Variants in NOX4 observed in about 807,000 individuals in gnomAD.
NOX4 encodes the protein kidney oxidase-1.
In NOX4, 69 loss-of-function variants were observed where a neutral mutation model predicts 87.6. That is an observed-to-expected ratio of 0.79 (90% CI 0.65 to 0.96). The LOEUF is 0.96. Ranked by LOEUF, NOX4 falls within the 40% of genes least tolerant of loss-of-function variation. The probability of loss-of-function intolerance (pLI) is 0.00; values close to 1 mark genes in which losing one functional copy is unlikely to be tolerated. For synonymous variants in NOX4, 275 were observed against 238.2 expected (o/e 1.15, Z -1.42); for missense variants, 680 against 681.5 (o/e 1.00, Z 0.02).
chr11:89,414,518 C>T (rs1275823524), intron 8 of NOX4, among the ~76,000 whole-genome samples: 1 of 151,380 alleles, frequency 6.6e-6, no homozygotes, highest in African/African-American at 2.4e-5. Flanking sequence ...AATATCTCTT[C>T]CACAGCATTT....
At chr11:89,450,296 A>G (rs1453864894) in intron 3 of NOX4, among the ~76,000 whole-genome samples, 2 of 152,194 alleles carry the variant, frequency 1.3e-5, no homozygotes, top group African/African-American at 4.8e-5. Flanking sequence ...GAAAGGGTTG[A>G]GAAGTTTTCC....
At chr11:89,466,552 C>T (rs1036639105) in intron 2 of NOX4, among the ~76,000 whole-genome samples, 3 of 152,196 alleles carry the variant, frequency 2.0e-5, no homozygotes, top group African/African-American at 7.2e-5. Flanking sequence ...TAAGTGCTAT[C>T]TGTTCCACTT....
chr11:89,570,439 C>T, the NOX4 span, among the ~76,000 whole-genome samples: 3 of 151,922 alleles, frequency 2.0e-5, no homozygotes, highest in East Asian at 1.9e-4. Flanking sequence ...TGTAAGAAAC[C>T]CCTGCAACAT....
At chr11:89,567,179 G>T in the NOX4 span, among the ~76,000 whole-genome samples, 1 of 152,100 alleles carries the variant, frequency 6.6e-6, no homozygotes, top group Non-Finnish European at 1.5e-5. Flanking sequence ...GCACCTCCCC[G>T]GCCACACCCA....
chr11:89,331,271 A>G (rs12806294), intron 17 of NOX4, among the ~76,000 whole-genome samples: 1 of 152,002 alleles, frequency 6.6e-6, no homozygotes, highest in Non-Finnish European at 1.5e-5. Context: ...AAAAATAAAA[A>G]ATATTTGAAC....
chr11:89,581,679 C>T, the NOX4 span, among the ~76,000 whole-genome samples: 33 of 152,160 alleles, frequency 2.2e-4, no homozygotes, highest in African/African-American at 7.9e-4. Context: ...AAATATATTA[C>T]TGCTTTTTTT....
intron 7 of NOX4, among the ~76,000 whole-genome samples, chr11:89,425,805 TAA>T (rs1565273423): frequency 6.6e-6 from 1 of 152,146 alleles, no homozygotes. Context: ...TTAAAAACTA[TAA>T]AGACAGTTTC....
the NOX4 span, among the ~76,000 whole-genome samples, chr11:89,521,561 T>A: frequency 4.6e-5 from 7 of 151,024 alleles, no homozygotes; most frequent in African/African-American, 1.7e-4. Flanking sequence ...AATAATGACT[T>A]CAAACTATAA....
intron 12 of NOX4, among the ~76,000 whole-genome samples, chr11:89,359,484 C>G (rs555639214): frequency 2.7e-4 from 39 of 147,076 alleles, no homozygotes; most frequent in African/African-American, 9.6e-4. Context: ...CAAACCTATT[C>G]CTGGGATGAG....
chr11:89,384,533 G>A lies in NOX4; in HGVS notation c.1075-11041C>T, dbSNP rs569980049. 3.9e-5 allele frequency among the ~76,000 whole-genome samples: 6 copies of A among 152,236 alleles called. No individual in the cohort carries two copies. The South Asian group carries it at 1.0e-3, about 26-fold the overall frequency. On this transcript the variant is annotated intron_variant, in intron 11 of 17. Coordinates refer to ENST00000263317, the MANE Select transcript of NOX4 (RefSeq NM_016931.5). ...AACAACTCCTTTCCTTCCTAGGCAT[G>A]GTTGGCTACTTCTGCCTTTGGATAC... is the stretch of plus-strand genomic sequence containing the variant.
In NOX4 at chr11:89,336,190, G is replaced by C. The variant is rs182969142; in HGVS notation, c.1516-245C>G. 4.5e-5 allele frequency: 14 copies of C among 308,156 alleles called. No individual in the cohort carries two copies. The East Asian group carries it at 6.8e-4, about 15-fold the overall frequency. 19.1% of individuals were successfully genotyped at this position (308,156 alleles called of 1,614,324 possible). A position where few individuals can be genotyped will look rare whatever the true frequency, so the allele number is the denominator to read the frequency against. On this transcript the variant is annotated intron_variant, in intron 16 of 17. Transcript: ENST00000263317. ...AAACAAACAAACAAAATCTATTCTG[G>C]TAAAAAGGTAGAAAAATTTGATTTT... is the stretch of plus-strand genomic sequence containing the variant.
At chr11:89,438,598 A>AATATATAGTATATATTAT (rs376835266) in intron 6 of NOX4, among the ~76,000 whole-genome samples, 60 of 67,398 alleles carry the variant, frequency 8.9e-4, no homozygotes, top group East Asian at 3.1e-3. Context: ...TACTATATAT[A>AATATATAGTATATATTAT]ATACTATATA....
rs4002196 is a variant in NOX4 at position 89,486,464 on chromosome 11, A to ATGTG, written c.153+3990_153+3993dup. ...ATGTGCCACCACGCCCAGCTAATAT[A>ATGTG]TGTGTGTGTGTGTGTGTGTGTGTTT... is the stretch of plus-strand genomic sequence containing the variant. On this transcript the variant is annotated intron_variant, in intron 2 of 17. Coordinates refer to ENST00000263317, the MANE Select transcript of NOX4 (RefSeq NM_016931.5). 5.1e-3 allele frequency among the ~76,000 whole-genome samples: 721 copies of ATGTG among 141,426 alleles called. 4 individuals are homozygous for ATGTG. Among genetic ancestry groups the ATGTG allele is most frequent in the East Asian group, 0.016 (79 of 4,918 alleles). The allele number at this position is 141,426 out of a possible 152,430, so 92.8% of individuals were successfully genotyped here.
the NOX4 span, among the ~76,000 whole-genome samples, chr11:89,566,941 G>A: frequency 1.3e-5 from 2 of 152,274 alleles, no homozygotes; most frequent in Non-Finnish European, 2.9e-5. Flanking sequence ...GGCATGGAGA[G>A]CTGCTTGGAG....
chr11:89,569,330 C>T, the NOX4 span, among the ~76,000 whole-genome samples: 4 of 151,874 alleles, frequency 2.6e-5, no homozygotes, highest in African/African-American at 7.3e-5. Flanking sequence ...GTCTAATATC[C>T]AGAATCTATA....
At chr11:89,423,918 A>G (rs1943226237) in intron 7 of NOX4, among the ~76,000 whole-genome samples, 1 of 151,878 alleles carries the variant, frequency 6.6e-6, no homozygotes, top group Non-Finnish European at 1.5e-5. Context: ...TAAAAAAAAT[A>G]AAATTAGGCA....
the NOX4 span, chr11:89,576,993 G>A: frequency 6.6e-6 from 1 of 152,146 alleles, no homozygotes; most frequent in Admixed American, 6.5e-5. Flanking sequence ...GAATGCCAGA[G>A]GCTGAGATGT....
the NOX4 span, among the ~76,000 whole-genome samples, chr11:89,587,047 C>T: frequency 1.3e-5 from 2 of 151,818 alleles, no homozygotes; most frequent in South Asian, 4.1e-4. Flanking sequence ...AGGAAGCTCC[C>T]AAGATGATAA....
At chr11:89,487,496 A>G (rs1030488747) in intron 2 of NOX4, among the ~76,000 whole-genome samples, 2 of 152,200 alleles carry the variant, frequency 1.3e-5, no homozygotes, top group African/African-American at 2.4e-5. Flanking sequence ...CAGCAACTTT[A>G]TACTCAAAGC....
Sources: allele counts gnomAD v4.1 joint callset (sites outside exome capture counted in the v4.1 genomes callset), GRCh38; gene constraint gnomAD v4.1.1; transcripts MANE v1.5; gene names NCBI Gene and HGNC (gene_info 2026-07-23, HGNC 2026-07-21).